Variants in CAPN8 observed in about 807,000 individuals in gnomAD.
CAPN8 encodes the protein calpain 8.
Under a neutral mutation model 80.9 loss-of-function variants are expected in CAPN8, and 87 were observed. The observed-to-expected ratio is 1.07, with a 90% CI of 0.90 to 1.28. The LOEUF (loss-of-function observed/expected upper bound fraction) is 1.28, where lower values mean the gene tolerates loss of function less well. Ranked by LOEUF, CAPN8 falls within the 50% of genes most tolerant of loss-of-function variation. The probability of loss-of-function intolerance (pLI) is 0.00; values close to 1 mark genes in which losing one functional copy is unlikely to be tolerated. For synonymous variants in CAPN8, 299 were observed against 273.8 expected (o/e 1.09, Z -0.91); for missense variants, 757 against 702.0 (o/e 1.08, Z -0.89).
chr1:223,628,641 G>A, intron 3 of CAPN8, 21 bp downstream of exon 3: 1 of 1,530,950 alleles, frequency 6.5e-7, no homozygotes, highest in South Asian at 1.2e-5. Flanking sequence ...AGCAACAAAG[G>A]GCCAGAGCAG....
chr1:223,656,215 T>C (rs1658484323), intron 1 of CAPN8, among the ~76,000 whole-genome samples: 1 of 151,974 alleles, frequency 6.6e-6, no homozygotes, highest in South Asian at 2.1e-4. Flanking sequence ...ACGCCTGTAA[T>C]CCCAGCACTT....
chr1:223,622,933 T>C (rs1271685847), intron 6 of CAPN8, 33 bp from the exon 7 acceptor site: 11 of 1,510,430 alleles, frequency 7.3e-6, no homozygotes, highest in Non-Finnish European at 9.9e-6. Flanking sequence ...AGCGACTGAA[T>C]TACTATGCTC....
At chr1:223,654,727 G>A (rs1262622032) in intron 1 of CAPN8, among the ~76,000 whole-genome samples, 1 of 152,070 alleles carries the variant, frequency 6.6e-6, no homozygotes, top group Non-Finnish European at 1.5e-5. Flanking sequence ...CCAGCCTGGA[G>A]TGCAGTGGCA....
intron 1 of CAPN8, among the ~76,000 whole-genome samples, chr1:223,657,159 C>T (rs1658517235): frequency 6.6e-6 from 1 of 152,010 alleles, no homozygotes; most frequent in South Asian, 2.1e-4. Context: ...TATTCATTCG[C>T]TTTCAGTCTT....
chr1:223,546,790 A>G (rs1312773182), intron 16 of CAPN8, among the ~76,000 whole-genome samples: 1 of 152,208 alleles, frequency 6.6e-6, no homozygotes, highest in Non-Finnish European at 1.5e-5. Flanking sequence ...TTGTCCCAGA[A>G]CACCAGTGGT....
intron 3 of CAPN8, 38 bp downstream of exon 3, chr1:223,628,624 G>A (rs572331771): frequency 3.7e-5 from 56 of 1,502,388 alleles, no homozygotes; most frequent in South Asian, 4.8e-5. Flanking sequence ...CTAAGAATAC[G>A]GAAAACAGCA....
At chr1:223,642,398 T>C (rs1440272683) in intron 2 of CAPN8, among the ~76,000 whole-genome samples, 1 of 152,164 alleles carries the variant, frequency 6.6e-6, no homozygotes. Flanking sequence ...ACTAATCCAC[T>C]TCTGCTGCCC....
chr1:223,641,366 T>TAA (rs1553338765), intron 2 of CAPN8, among the ~76,000 whole-genome samples: 84 of 146,144 alleles, frequency 5.7e-4, no homozygotes, highest in African/African-American at 1.9e-3. Context: ...AGCCTTTTTT[T>TAA]AAAAAAAAAA....
intron 10 of CAPN8, among the ~76,000 whole-genome samples, chr1:223,613,570 G>A (rs955991902): frequency 6.6e-6 from 1 of 152,226 alleles, no homozygotes; most frequent in Non-Finnish European, 1.5e-5. Flanking sequence ...AAGGGAGCAG[G>A]CCTTAGCCAC....
chr1:223,546,547 T>C (rs1483524201), intron 16 of CAPN8, among the ~76,000 whole-genome samples: 1 of 152,190 alleles, frequency 6.6e-6, no homozygotes, highest in South Asian at 2.1e-4. Flanking sequence ...TCCTTACTAA[T>C]AATTCAACCA....
intron 2 of CAPN8, among the ~76,000 whole-genome samples, chr1:223,637,068 T>C (rs1657911516): frequency 6.6e-6 from 1 of 152,176 alleles, no homozygotes; most frequent in Admixed American, 6.5e-5. Flanking sequence ...GACACTCACC[T>C]CTCTGAAGAC....
At chr1:223,553,642 T>A (rs1351382696) in intron 14 of CAPN8, among the ~76,000 whole-genome samples, 190 bp downstream of exon 14, 1 of 152,028 alleles carries the variant, frequency 6.6e-6, no homozygotes, top group Non-Finnish European at 1.5e-5. Flanking sequence ...CAGGACCAAT[T>A]CCCAAGTGAT....
intron 18 of CAPN8, among the ~76,000 whole-genome samples, chr1:223,544,465 T>G (rs1656563310): frequency 6.6e-6 from 1 of 152,100 alleles, no homozygotes; most frequent in Non-Finnish European, 1.5e-5. Flanking sequence ...GCAGAGAAGG[T>G]GAGGGGGCTG....
Position 223,628,110 on chromosome 1 carries a change from G to A in CAPN8, c.459C>T (p.Val153=). 1.9e-6 allele frequency: 3 copies of A among 1,550,970 alleles called. No homozygotes were observed. The highest frequency in any genetic ancestry group is 1.7e-4 in the Middle Eastern group (1 of 5,984). ...FWQYGEWVEV[V]IDDRLPTKNG... ...TCTTGGTGGGCAGCCTGTCGTCAAT[G>A]ACCACCTCCACCCACTCTCCGTACT... Residue 153 remains valine, a synonymous_variant, in exon 4 of 21, where the codon GTC becomes GTT. Coordinates refer to ENST00000366872, the MANE Select transcript of CAPN8 (RefSeq NM_001143962.2).
chr1:223,649,808 C>T (rs1344948896), intron 2 of CAPN8, among the ~76,000 whole-genome samples: 1 of 152,158 alleles, frequency 6.6e-6, no homozygotes, highest in Non-Finnish European at 1.5e-5. Context: ...ATTTATGGAG[C>T]CCTGCTAGGT....
At chr1:223,624,651 C>G (rs1034871921) in intron 6 of CAPN8, among the ~76,000 whole-genome samples, 3 of 151,534 alleles carry the variant, frequency 2.0e-5, no homozygotes, top group African/African-American at 7.3e-5. Flanking sequence ...GAGGTTGAGG[C>G]TGCAGTGAGC....
Position 223,612,204 on chromosome 1 carries a change from A to G in CAPN8, c.1323+42T>C, listed in dbSNP as rs894880625. The G allele has an allele frequency of 4.1e-6, 5 of 1,233,706 alleles. No individual in the cohort carries two copies. The African/African-American group carries it at 6.2e-5, about 15-fold the overall frequency. 76.4% of individuals were successfully genotyped at this position (1,233,706 alleles called of 1,614,324 possible). The stretch of plus-strand genomic sequence containing the variant: ...TGCCCATCCTGAAGGCAGCCAAGCT[A>G]TTTCTCACCAAAGGAAGGAATCTCT... On this transcript the variant is annotated intron_variant, in intron 11 of 20. Coordinates refer to ENST00000366872, the MANE Select transcript of CAPN8 (RefSeq NM_001143962.2).
At chr1:223,662,363 C>T (rs375176969) in intron 1 of CAPN8, among the ~76,000 whole-genome samples, 1 of 151,892 alleles carries the variant, frequency 6.6e-6, no homozygotes, top group Non-Finnish European at 1.5e-5. Context: ...GCAGGAGAAT[C>T]GCTTGAACTG....
chr1:223,664,389 A>T (rs973191004), intron 1 of CAPN8, among the ~76,000 whole-genome samples: 3 of 152,234 alleles, frequency 2.0e-5, no homozygotes, highest in Non-Finnish European at 4.4e-5. Flanking sequence ...GCACTGGCCC[A>T]GGGACCATAT....
Sources: gnomAD v4.1 joint callset for allele counts (sites outside exome capture counted in the v4.1 genomes callset) on GRCh38, gnomAD v4.1.1 for gene constraint, MANE v1.5 for transcripts, NCBI Gene and HGNC (gene_info 2026-07-23, HGNC 2026-07-21) for gene names.